EVI5: variants seen among roughly 807,000 people sequenced by gnomAD.
EVI5 encodes ecotropic viral integration site 5.
In EVI5, 73 loss-of-function variants were observed where a neutral mutation model predicts 112.0. The observed-to-expected ratio is 0.65, with a 90% CI of 0.54 to 0.79. The LOEUF is 0.79. Ranked by LOEUF, EVI5 falls within the 30% of genes least tolerant of loss-of-function variation. The pLI, the probability that EVI5 is intolerant of heterozygous loss-of-function variation, is 0.00. For missense variants in EVI5, 900 were observed against 968.8 expected (o/e 0.93, Z 0.94); for synonymous variants, 305 against 319.9 (o/e 0.95, Z 0.50).
chr1:92,672,089 G>A (rs1375928937), intron 10 of EVI5, among the ~76,000 whole-genome samples: 2 of 151,990 alleles, frequency 1.3e-5, no homozygotes, highest in Admixed American at 1.3e-4. Context: ...ACAGGCATAA[G>A]CCACCCTGAT....
chr1:92,520,756 T>A (rs1660760876), intron 19 of EVI5, among the ~76,000 whole-genome samples: 2 of 150,980 alleles, frequency 1.3e-5, no homozygotes, highest in Non-Finnish European at 2.9e-5. Flanking sequence ...GAAGCTGAGG[T>A]GGGAGGATTG....
chr1:92,601,783 C>T (rs1402818632), intron 18 of EVI5, among the ~76,000 whole-genome samples: 1 of 152,132 alleles, frequency 6.6e-6, no homozygotes, highest in Non-Finnish European at 1.5e-5. Flanking sequence ...TAACACATTA[C>T]ATTTCATTTT....
rs369985203 is a variant in EVI5 at position 92,666,756 on chromosome 1, G to A, written c.1159-764C>T. Among the ~76,000 whole-genome samples, 7 of 152,238 alleles carry A rather than the reference G, an allele frequency of 4.6e-5. No homozygotes were observed. The East Asian group carries it at 5.8e-4, about 13-fold the overall frequency. On this transcript the variant is annotated intron_variant, in intron 10 of 19. Transcript: ENST00000684568. ...AATACTCACATTCATCATTCCAGCT[G>A]TGATTAAATTTAAATACACTCTACA...
intron 1 of EVI5, among the ~76,000 whole-genome samples, chr1:92,791,762 G>A (rs1029540714): frequency 2.0e-5 from 3 of 150,860 alleles, no homozygotes; most frequent in Admixed American, 2.0e-4. Context: ...AAAAAAAAAA[G>A]GATGAGGTGA....
Position 92,666,700 on chromosome 1 carries a change from G to A in EVI5, c.1159-708C>T, listed in dbSNP as rs553919298. 2.0e-5 allele frequency among the ~76,000 whole-genome samples: 3 copies of A among 151,842 alleles called. No homozygotes were observed. In the South Asian group the frequency reaches 6.2e-4, roughly 32 times the overall value. On this transcript the variant is annotated intron_variant, in intron 10 of 19. Coordinates refer to ENST00000684568, the MANE Select transcript of EVI5 (RefSeq NM_001350197.2). The stretch of plus-strand genomic sequence containing the variant: ...AAAGAAGGGAAAGGAAAGGGATAAA[G>A]AAAGAGAAATAAATACACCACAGCA...
rs140424358 is a variant in EVI5 at position 92,607,499 on chromosome 1, A to T, written c.1974+82T>A. On this transcript the variant is annotated intron_variant, in intron 17 of 19. Transcript: ENST00000684568. ...CGAGCTTTTTTGTTTTGTTTTTAAG[A>T]TAATCTAATCACGATAAAACAAACA... 27 of 989,430 alleles carry T rather than the reference A, an allele frequency of 2.7e-5. No individual in the cohort carries two copies. The African/African-American group carries it at 4.2e-4, about 16-fold the overall frequency. 61.3% of individuals were successfully genotyped at this position (989,430 alleles called of 1,614,324 possible). A position where few individuals can be genotyped will look rare whatever the true frequency, so the allele number is the denominator to read the frequency against.
chr1:92,704,139 A>G lies in EVI5; in HGVS notation c.339+416T>C, dbSNP rs145661238. On this transcript the variant is annotated intron_variant, in intron 3 of 19. Transcript: ENST00000684568. ...AGCCTGGGCAACAAAGCAAGACCCT[A>G]TCTCTACAAAAAGGAAAATAAAAAA... Among the ~76,000 whole-genome samples, 162 of 152,030 alleles carry G rather than the reference A, an allele frequency of 1.1e-3. 3 individuals are homozygous for G. The highest frequency in any genetic ancestry group is 3.7e-3 in the African/African-American group (155 of 41,474).
At chr1:92,669,942 T>C (rs1665582831) in intron 10 of EVI5, among the ~76,000 whole-genome samples, 1 of 150,740 alleles carries the variant, frequency 6.6e-6, no homozygotes, top group South Asian at 2.1e-4. Flanking sequence ...AAAAAGAAAA[T>C]AGAGACAATT....
At chr1:92,769,109 C>T (rs1683039944) in intron 1 of EVI5, among the ~76,000 whole-genome samples, 1 of 152,170 alleles carries the variant, frequency 6.6e-6, no homozygotes, top group East Asian at 1.9e-4. Context: ...ATCAAGTAAA[C>T]ACTTGACAGT....
intron 9 of EVI5, among the ~76,000 whole-genome samples, chr1:92,684,407 A>G (rs139032372): frequency 0.011 from 1,653 of 152,334 alleles, 34 homozygotes; most frequent in African/African-American, 0.038. Flanking sequence ...AGGAAGCACT[A>G]AACATGGAAA....
chr1:92,594,573 A>G (rs1439496331), intron 18 of EVI5, among the ~76,000 whole-genome samples: 2 of 151,222 alleles, frequency 1.3e-5, no homozygotes. Flanking sequence ...AATGGGATCT[A>G]ATTAAACTAA....
chr1:92,617,082 AGG>A (rs1222601878), intron 16 of EVI5, among the ~76,000 whole-genome samples: 6 of 152,242 alleles, frequency 3.9e-5, no homozygotes, highest in Non-Finnish European at 7.3e-5. Flanking sequence ...AGAGAAGACC[AGG>A]GCCTGGTTCA....
rs766358425 is a variant in EVI5 at position 92,606,920 on chromosome 1, ACACC to A, written c.1974+657_1974+660del. Among the ~76,000 whole-genome samples, 468 of 102,022 alleles carry A rather than the reference ACACC, an allele frequency of 4.6e-3. 7 individuals carry two copies. Among genetic ancestry groups the A allele is most frequent in the African/African-American group, 0.012 (343 of 29,738 alleles). 66.9% of individuals were successfully genotyped at this position (102,022 alleles called of 152,430 possible). On this transcript the variant is annotated intron_variant, in intron 17 of 19. Coordinates refer to ENST00000684568, the MANE Select transcript of EVI5 (RefSeq NM_001350197.2). ...CACACACACACACACACACACACAC[ACACC>A]CCCCCAAACCCTCCCTCCTCTCCTT...
chr1:92,598,703 C>T (rs1248349953), intron 18 of EVI5, among the ~76,000 whole-genome samples: 9 of 152,062 alleles, frequency 5.9e-5, no homozygotes, highest in Non-Finnish European at 1.5e-5. Flanking sequence ...CATTATAGCA[C>T]AACAGTGTAA....
chr1:92,558,354 C>G (rs1007855973), intron 19 of EVI5, among the ~76,000 whole-genome samples: 1 of 152,142 alleles, frequency 6.6e-6, no homozygotes, highest in Non-Finnish European at 1.5e-5. Flanking sequence ...CACTGCCTAT[C>G]TGATATCTTC....
At chr1:92,651,552 G>T (rs897463427) in intron 13 of EVI5, among the ~76,000 whole-genome samples, 1 of 152,214 alleles carries the variant, frequency 6.6e-6, no homozygotes, top group South Asian at 2.1e-4. Context: ...CAGTTGGCAA[G>T]GATATTAAGA....
chr1:92,785,601 C>G (rs535774017), upstream of EVI5, among the ~76,000 whole-genome samples: 2 of 152,312 alleles, frequency 1.3e-5, no homozygotes, highest in African/African-American at 4.8e-5. Flanking sequence ...TTTATGCAGA[C>G]TACTGCAGGG....
chr1:92,624,169 A>G lies in EVI5; in HGVS notation c.1827+7T>C, dbSNP rs1655146436. The G allele has an allele frequency of 1.2e-6, 2 of 1,611,740 alleles. No individual in the cohort carries two copies. The highest frequency in any genetic ancestry group is 1.3e-5 in the African/African-American group (1 of 74,910). On this transcript the variant is annotated splice_region_variant and intron_variant, in intron 16 of 19. Coordinates refer to ENST00000684568, the MANE Select transcript of EVI5 (RefSeq NM_001350197.2). ...CTTTTTAAAGATACTGGGCTTTCCC[A>G]TCATACCTGTGTTTCCATTTCCATC... is the stretch of plus-strand genomic sequence containing the variant.
intron 19 of EVI5, among the ~76,000 whole-genome samples, chr1:92,542,951 T>A (rs1301364906): frequency 6.6e-6 from 1 of 152,212 alleles, no homozygotes; most frequent in Non-Finnish European, 1.5e-5. Flanking sequence ...GGCTTTGTTT[T>A]TTCATTTACA....
Sources: allele counts gnomAD v4.1 joint callset (sites outside exome capture counted in the v4.1 genomes callset), GRCh38; gene constraint gnomAD v4.1.1; transcripts MANE v1.5; gene names NCBI Gene and HGNC (gene_info 2026-07-23, HGNC 2026-07-21).